SFXN5: variants seen among roughly 807,000 people sequenced by gnomAD.
The protein encoded by SFXN5 is sideroflexin-5.
In SFXN5, 43 loss-of-function variants were observed where a neutral mutation model predicts 50.2. The observed-to-expected ratio is 0.86, with a 90% CI of 0.67 to 1.11. The LOEUF is 1.11. Among genes scored for constraint, SFXN5 ranks in the 50% least tolerant of loss-of-function variants. The pLI is 0.00. For missense variants in SFXN5, 463 were observed against 454.1 expected (o/e 1.02, Z -0.18); for synonymous variants, 203 against 185.8 (o/e 1.09, Z -0.75).
At chr2:73,005,957 T>C (rs1674582481) in intron 6 of SFXN5, among the ~76,000 whole-genome samples, 1 of 152,146 alleles carries the variant, frequency 6.6e-6, no homozygotes, top group Non-Finnish European at 1.5e-5. Flanking sequence ...GTCCAGATTA[T>C]TTCCCACTCC....
At chr2:73,034,355 G>A (rs895563465) in intron 3 of SFXN5, among the ~76,000 whole-genome samples, 2 of 152,182 alleles carry the variant, frequency 1.3e-5, no homozygotes, top group Non-Finnish European at 2.9e-5. Context: ...ACCTGCTGAC[G>A]CCCACAGAAG....
At chr2:73,030,115 C>A (rs62147731) in intron 3 of SFXN5, among the ~76,000 whole-genome samples, 1 of 151,486 alleles carries the variant, frequency 6.6e-6, no homozygotes, top group African/African-American at 2.4e-5. Context: ...ATCAAACAAA[C>A]GAACAAAAAA....
At chr2:72,968,134 CA>C (rs1674668499) in intron 12 of SFXN5, among the ~76,000 whole-genome samples, 1 of 148,624 alleles carries the variant, frequency 6.7e-6, no homozygotes, top group African/African-American at 2.5e-5. Context: ...CACACACACA[CA>C]CACACACACA....
chr2:73,000,523 T>C, intron 7 of SFXN5, 36 bp from the exon 8 acceptor site: 2 of 1,547,532 alleles, frequency 1.3e-6, no homozygotes, highest in Non-Finnish European at 1.7e-6. Context: ...AGGGAAGGAG[T>C]GGTCACCTCC....
chr2:73,069,873 C>T (rs1683449295), intron 1 of SFXN5, among the ~76,000 whole-genome samples: 1 of 152,012 alleles, frequency 6.6e-6, no homozygotes. Flanking sequence ...TTACTATATG[C>T]CTAACCTGTC....
chr2:72,989,877 G>T (rs1672369787), intron 9 of SFXN5, among the ~76,000 whole-genome samples: 1 of 152,180 alleles, frequency 6.6e-6, no homozygotes, highest in African/African-American at 2.4e-5. Context: ...CGTGGGAGGA[G>T]CCGTGGCAGG....
At chr2:72,998,855 T>C in intron 9 of SFXN5, 94 bp downstream of exon 9, 1 of 1,392,618 alleles carries the variant, frequency 7.2e-7, no homozygotes. Flanking sequence ...AATCCTTGCC[T>C]GGCCTGGCCC....
intron 6 of SFXN5, among the ~76,000 whole-genome samples, chr2:73,014,734 A>G (rs1675941055): frequency 6.6e-6 from 1 of 150,388 alleles, no homozygotes; most frequent in African/African-American, 2.5e-5. Context: ...TCTTGAATTT[A>G]TTTTTATATC....
rs141759106 is a variant in SFXN5, at chr2:73,058,555, G to T, written c.144C>A (p.Ile48=). The T allele has an allele frequency of 1.2e-6, 2 of 1,614,076 alleles. No individual in the cohort carries two copies. Among genetic ancestry groups the T allele is most frequent in the Non-Finnish European group, 8.5e-7 (1 of 1,179,968 alleles). Residue 48 remains isoleucine (I), a synonymous_variant, in exon 2 of 14, where the codon ATC becomes ATA. Coordinates refer to ENST00000272433, the MANE Select transcript of SFXN5 (RefSeq NM_144579.3). ...YGRFRHFLDI[I]DPRTLFVTER... is the part of the protein sequence containing the mutation. ...CAGTGACAAAGAGTGTGCGAGGGTC[G>T]ATGATATCCAAGAAGTGCCTGAAGC...
intron 9 of SFXN5, among the ~76,000 whole-genome samples, chr2:72,991,490 C>T (rs1672594801): frequency 6.6e-6 from 1 of 152,244 alleles, no homozygotes; most frequent in Admixed American, 6.5e-5. Flanking sequence ...TGCCCACTTG[C>T]CAGTGATGGG....
intron 3 of SFXN5, among the ~76,000 whole-genome samples, chr2:73,035,791 C>T (rs564675592): frequency 6.6e-6 from 1 of 152,112 alleles, no homozygotes; most frequent in Non-Finnish European, 1.5e-5. Context: ...TGAGACACCA[C>T]GCTTGGCTGG....
At chr2:73,017,512 T>C (rs1332564406) in intron 6 of SFXN5, among the ~76,000 whole-genome samples, 1 of 152,222 alleles carries the variant, frequency 6.6e-6, no homozygotes, top group Non-Finnish European at 1.5e-5. Context: ...AATAGGATAC[T>C]TTCTAAGGAC....
intron 12 of SFXN5, among the ~76,000 whole-genome samples, chr2:72,964,821 C>A (rs891462726): frequency 2.6e-5 from 4 of 152,218 alleles, no homozygotes; most frequent in African/African-American, 2.4e-5. Context: ...AGAGGGGCTC[C>A]TTTGGAGCCT....
At chr2:73,045,435 C>T (rs1284627965) in intron 2 of SFXN5, among the ~76,000 whole-genome samples, 4 of 152,002 alleles carry the variant, frequency 2.6e-5, no homozygotes, top group African/African-American at 4.8e-5. Context: ...ACAGAAAAAA[C>T]GAACACACTT....
chr2:73,062,159 T>C (rs564582995), intron 1 of SFXN5, among the ~76,000 whole-genome samples: 1 of 152,298 alleles, frequency 6.6e-6, no homozygotes, highest in Admixed American at 6.5e-5. Context: ...ATTTTAAGTA[T>C]TATACTTGAT....
intron 9 of SFXN5, among the ~76,000 whole-genome samples, chr2:72,989,515 G>A (rs1244124564): frequency 3.3e-5 from 5 of 152,204 alleles, no homozygotes; most frequent in East Asian, 1.9e-4. Flanking sequence ...TCACGGGACC[G>A]GATGGGGTGA....
chr2:73,046,365 C>G lies in SFXN5; in HGVS notation c.172-5434G>C, dbSNP rs1241650211. Among the ~76,000 whole-genome samples, 13 of 149,756 alleles carry G rather than the reference C, an allele frequency of 8.7e-5. 1 individual carries two copies. The highest frequency in any genetic ancestry group is 1.9e-4 in the Non-Finnish European group (13 of 67,738). ...TGAAGGCCACAGTGAACCGAGATCA[C>G]GCCACTGCACTCCAGCCTGGGCAAT... On this transcript the variant is annotated intron_variant, in intron 2 of 13. Coordinates refer to ENST00000272433, the MANE Select transcript of SFXN5 (RefSeq NM_144579.3).
intron 10 of SFXN5, among the ~76,000 whole-genome samples, chr2:72,987,151 ACT>A (rs1030985385): frequency 2.6e-5 from 4 of 152,018 alleles, no homozygotes; most frequent in Non-Finnish European, 5.9e-5. Flanking sequence ...ACGGAGTCTC[ACT>A]CTGTCACCAG....
At chr2:72,999,166 G>A in intron 8 of SFXN5, 152 bp from the exon 9 acceptor site, 1 of 715,208 alleles carries the variant, frequency 1.4e-6, no homozygotes, top group South Asian at 1.7e-5. Flanking sequence ...AAGGGATCAG[G>A]CCACCCTCAG....
Sources: gnomAD v4.1 joint callset for allele counts (sites outside exome capture counted in the v4.1 genomes callset) on GRCh38, gnomAD v4.1.1 for gene constraint, MANE v1.5 for transcripts, NCBI Gene and HGNC (gene_info 2026-07-23, HGNC 2026-07-21) for gene names.